The following KIF26B variants were observed in gnomAD, a reference collection of about 807,000 sequenced individuals.
KIF26B encodes kinesin family member 26B.
KIF26B carries 63 observed loss-of-function variants against 151.2 expected under a neutral mutation model. The ratio of observed to expected loss-of-function variants is 0.42; its 90% CI spans 0.34 to 0.51. The LOEUF (loss-of-function observed/expected upper bound fraction) is 0.51, where lower values mean the gene tolerates loss of function less well. Ranked by LOEUF, KIF26B falls within the 20% of genes least tolerant of loss-of-function variation. The pLI is 0.07. For synonymous variants in KIF26B, 1,357 were observed against 1,262.1 expected (o/e 1.08, Z -1.59); for missense variants, 2,813 against 2,913.6 (o/e 0.97, Z 0.79).
Position 245,685,996 on chromosome 1 carries a change from C to T in KIF26B, c.3013C>T (p.His1005Tyr). Residue 1005 changes from histidine (H) to tyrosine (Y), a missense_variant, in exon 12 of 15, where the codon CAC becomes TAC. Transcript: ENST00000407071. ...CCCAGCCTCCAAGATGCAGAGGAGT[C>T]ACTCACCTGTGCCCGCCGCGGCACC... Reference protein sequence around the residue: ...ELPASKMQRSHSPVPAAAPAH... With the variant: ...ELPASKMQRSYSPVPAAAPAH... The T allele has an allele frequency of 1.9e-6, 3 of 1,592,388 alleles. No individual in the cohort carries two copies.
At chr1:245,684,930 C>A (rs1211552946) in intron 11 of KIF26B, among the ~76,000 whole-genome samples, 4 of 152,240 alleles carry the variant, frequency 2.6e-5, no homozygotes, top group Non-Finnish European at 5.9e-5. Flanking sequence ...TTTTCTCAGG[C>A]AGAGGCCAAG....
chr1:245,264,535 T>C (rs1670704940), intron 2 of KIF26B, among the ~76,000 whole-genome samples: 1 of 152,096 alleles, frequency 6.6e-6, no homozygotes, highest in South Asian at 2.1e-4. Context: ...ATGGAAACTT[T>C]TGGTCTCAGT....
intron 2 of KIF26B, among the ~76,000 whole-genome samples, chr1:245,259,855 G>C (rs1221393829): frequency 6.7e-6 from 1 of 149,414 alleles, no homozygotes; most frequent in Non-Finnish European, 1.5e-5. Flanking sequence ...GGATTGCTTA[G>C]GCCCAGGAGG....
chr1:245,489,864 A>G (rs1277741400), intron 4 of KIF26B, among the ~76,000 whole-genome samples: 1 of 152,206 alleles, frequency 6.6e-6, no homozygotes, highest in African/African-American at 2.4e-5. Flanking sequence ...TTTGCTGAGA[A>G]CTTTATACCA....
At chr1:245,230,165 AAAC>A (rs1233696266) in intron 2 of KIF26B, among the ~76,000 whole-genome samples, 28 of 151,834 alleles carry the variant, frequency 1.8e-4, no homozygotes, top group African/African-American at 5.6e-4. Context: ...AAAAAAAAAA[AAAC>A]AACAACACTC....
intron 2 of KIF26B, among the ~76,000 whole-genome samples, chr1:245,178,266 C>A (rs546903346): frequency 6.6e-6 from 1 of 152,150 alleles, no homozygotes. Context: ...TCAAGCACAA[C>A]CGTATATCCG....
In KIF26B at chr1:245,646,239, C is replaced by A; in HGVS notation, c.2217C>A (p.Val739=). The change falls in exon 10 of 15, where the codon GTC becomes GTA. Residue 739 remains valine (V), a synonymous_variant. Coordinates refer to ENST00000407071, the MANE Select transcript of KIF26B (RefSeq NM_018012.4). ...TCTCGCTGTCTGCTCTGGGCAATGT[C>A]ATCCTGGCTCTCGTCAATGGCAGCA... ...LCLSLSALGN[V]ILALVNGSKH... 6.2e-7 allele frequency: 1 copy of A among 1,613,952 alleles called. No individual in the cohort carries two copies. The highest frequency in any genetic ancestry group is 8.5e-7 in the Non-Finnish European group (1 of 1,179,876).
intron 2 of KIF26B, among the ~76,000 whole-genome samples, chr1:245,202,917 G>A (rs1669329023): frequency 6.7e-6 from 1 of 149,656 alleles, no homozygotes; most frequent in Admixed American, 6.8e-5. Flanking sequence ...CTCCAGCCTG[G>A]GTGACTAGAG....
chr1:245,396,454 T>G (rs1016059715), intron 3 of KIF26B, among the ~76,000 whole-genome samples: 1 of 152,116 alleles, frequency 6.6e-6, no homozygotes, highest in Non-Finnish European at 1.5e-5. Context: ...CAAATTATTA[T>G]AAGAAATGCT....
intron 2 of KIF26B, among the ~76,000 whole-genome samples, chr1:245,275,604 G>T (rs1573747083): frequency 6.6e-6 from 1 of 152,060 alleles, no homozygotes; most frequent in African/African-American, 2.4e-5. Flanking sequence ...CCCATTGCTT[G>T]TTTTTGTCAG....
rs1412525555 is a variant in KIF26B, at chr1:245,560,762, A to T, written c.1350+19812A>T. Reference sequence around the variant, plus strand: ...GTCAAATGAGCTGCCTCCACTGAAGACTCCCCTCCGCTCCTCGCACTCTCA... The same window carrying T: ...GTCAAATGAGCTGCCTCCACTGAAGTCTCCCCTCCGCTCCTCGCACTCTCA... On this transcript the variant is annotated intron_variant, in intron 5 of 14. Transcript: ENST00000407071. The surrounding 1 kb of genome is among the most constrained non-coding windows in gnomAD (Gnocchi z 4.3). Among the ~76,000 whole-genome samples the T allele has an allele frequency of 6.6e-6, 1 of 151,268 alleles. No homozygotes were observed. The highest frequency in any genetic ancestry group is 2.4e-5 in the African/African-American group (1 of 41,068).
At chr1:245,517,575 C>T (rs1391414011) in intron 4 of KIF26B, among the ~76,000 whole-genome samples, 1 of 152,106 alleles carries the variant, frequency 6.6e-6, no homozygotes, top group Non-Finnish European at 1.5e-5. Context: ...TTATTGAGCG[C>T]TTGATGTATT....
At chr1:245,316,416 G>A (rs541096888) in intron 2 of KIF26B, among the ~76,000 whole-genome samples, 2 of 152,044 alleles carry the variant, frequency 1.3e-5, no homozygotes, top group Admixed American at 6.5e-5. Flanking sequence ...GAGCCACCGC[G>A]TCCGGCCCCT....
intron 9 of KIF26B, among the ~76,000 whole-genome samples, chr1:245,629,641 C>A (rs974311719): frequency 6.6e-6 from 1 of 152,124 alleles, no homozygotes; most frequent in Non-Finnish European, 1.5e-5. Flanking sequence ...CATAAAAACC[C>A]TAGAAGAAAA....
At chr1:245,285,569 C>T (rs1363875338) in intron 2 of KIF26B, among the ~76,000 whole-genome samples, 3 of 150,294 alleles carry the variant, frequency 2.0e-5, no homozygotes, top group Non-Finnish European at 4.4e-5. Flanking sequence ...TGATTTATTA[C>T]TCAAGTATGT....
chr1:245,431,586 T>C (rs1293276072), intron 4 of KIF26B, among the ~76,000 whole-genome samples: 1 of 151,720 alleles, frequency 6.6e-6, no homozygotes, highest in Non-Finnish European at 1.5e-5. Context: ...CCTTGTGATC[T>C]ACCCACCTCA....
chr1:245,546,523 T>A, intron 5 of KIF26B, among the ~76,000 whole-genome samples: 1 of 152,222 alleles, frequency 6.6e-6, no homozygotes, highest in Non-Finnish European at 1.5e-5. Flanking sequence ...ATTATTGCTG[T>A]CCTTCCTCAT....
chr1:245,308,110 G>A (rs10924164), intron 2 of KIF26B, among the ~76,000 whole-genome samples: 1 of 151,980 alleles, frequency 6.6e-6, no homozygotes, highest in Admixed American at 6.6e-5. Flanking sequence ...CCTTCAAGCC[G>A]ATTAAATGGG....
intron 9 of KIF26B, among the ~76,000 whole-genome samples, chr1:245,612,621 C>T (rs981986222): frequency 1.3e-5 from 2 of 152,114 alleles, no homozygotes; most frequent in Non-Finnish European, 2.9e-5. Context: ...GTTCACAGAC[C>T]TCAAAAATGC....
Sources: gnomAD v4.1 joint callset for allele counts (sites outside exome capture counted in the v4.1 genomes callset) on GRCh38, gnomAD v4.1.1 for gene constraint, Gnocchi (gnomAD v3.1) non-coding constraint, MANE v1.5 for transcripts, NCBI Gene and HGNC (gene_info 2026-07-23, HGNC 2026-07-21) for gene names.